Variants in PDGFC observed in about 807,000 individuals in gnomAD.
The protein encoded by PDGFC is platelet-derived growth factor C.
Under a neutral mutation model 35.5 loss-of-function variants are expected in PDGFC, and 12 were observed. The observed-to-expected ratio is 0.34, with a 90% CI of 0.22 to 0.55. The LOEUF (loss-of-function observed/expected upper bound fraction) is 0.55. Ranked by LOEUF, PDGFC falls within the 20% of genes least tolerant of loss-of-function variation. The pLI, the probability that PDGFC is intolerant of heterozygous loss-of-function variation, is 0.91. For synonymous variants in PDGFC, 159 were observed against 148.8 expected (o/e 1.07, Z -0.50); for missense variants, 322 against 412.4 (o/e 0.78, Z 1.90).
At chr4:156,880,967 A>G (rs900001539) in intron 1 of PDGFC, among the ~76,000 whole-genome samples, 4 of 152,212 alleles carry the variant, frequency 2.6e-5, no homozygotes, top group African/African-American at 9.6e-5. Flanking sequence ...GTATTACATA[A>G]AGTTAGTTGA....
At chr4:156,843,273 C>A (rs1036050329) in intron 2 of PDGFC, among the ~76,000 whole-genome samples, 2 of 152,178 alleles carry the variant, frequency 1.3e-5, no homozygotes, top group African/African-American at 2.4e-5. Flanking sequence ...GGTCCTCCAT[C>A]GCCAGATACA....
At chr4:156,923,855 T>C (rs1731345800) in intron 1 of PDGFC, among the ~76,000 whole-genome samples, 1 of 151,942 alleles carries the variant, frequency 6.6e-6, no homozygotes. Flanking sequence ...CAGCTCATAG[T>C]GCTGAAAAAG....
chr4:156,860,902 A>T (rs1351727758), intron 1 of PDGFC, among the ~76,000 whole-genome samples: 1 of 152,190 alleles, frequency 6.6e-6, no homozygotes, highest in Non-Finnish European at 1.5e-5. Context: ...TCAATTTTAA[A>T]AAGAACTGAT....
At chr4:156,851,905 T>C (rs912102199) in intron 1 of PDGFC, among the ~76,000 whole-genome samples, 1 of 110,518 alleles carries the variant, frequency 9.0e-6, no homozygotes, top group Non-Finnish European at 1.7e-5. Context: ...CACTCCAGCC[T>C]GGGCGACAGA....
chr4:156,844,673 T>G (rs555990428), intron 2 of PDGFC, among the ~76,000 whole-genome samples: 1 of 135,796 alleles, frequency 7.4e-6, no homozygotes, highest in African/African-American at 3.8e-5. Flanking sequence ...ATTACTTGAT[T>G]TGCTACATTA....
intron 1 of PDGFC, among the ~76,000 whole-genome samples, chr4:156,888,324 AG>A: frequency 6.6e-6 from 1 of 152,214 alleles, no homozygotes; most frequent in South Asian, 2.1e-4. Flanking sequence ...TGTCATTTAG[AG>A]TTACAATTAG....
At chr4:156,954,820 C>T (rs1033484587) in intron 1 of PDGFC, among the ~76,000 whole-genome samples, 1 of 151,930 alleles carries the variant, frequency 6.6e-6, no homozygotes, top group East Asian at 1.9e-4. Flanking sequence ...GCATATGACT[C>T]GTTTAGAACC....
chr4:156,932,751 T>TG (rs1553980879), intron 1 of PDGFC, among the ~76,000 whole-genome samples: 2 of 35,826 alleles, frequency 5.6e-5, no homozygotes, highest in Non-Finnish European at 1.0e-4. Context: ...TGTTGTGGGG[T>TG]GGGGGGAGGG....
At chr4:156,822,156 G>A (rs561814094) in intron 2 of PDGFC, among the ~76,000 whole-genome samples, 4 of 152,002 alleles carry the variant, frequency 2.6e-5, no homozygotes, top group South Asian at 4.2e-4. Context: ...TCAGGAGATC[G>A]AGACCATCCT....
At chr4:156,882,251 A>AT (rs1560855499) in intron 1 of PDGFC, among the ~76,000 whole-genome samples, 1 of 152,170 alleles carries the variant, frequency 6.6e-6, no homozygotes, top group Non-Finnish European at 1.5e-5. Context: ...CTAACTTTGA[A>AT]TTTTGTGTAG....
rs1387795503 is a variant in PDGFC at position 156,761,577 on chromosome 4, A to C, written c.*1513T>G. The stretch of plus-strand genomic sequence containing the variant: ...AAAATTTTATCTTTCATTTTCTCAG[A>C]GTCCAAGAAATAAATCTTGAGCACA... On this transcript the variant is annotated 3_prime_UTR_variant, in exon 6 of 6. Coordinates refer to ENST00000502773, the MANE Select transcript of PDGFC (RefSeq NM_016205.3). The C allele has an allele frequency of 6.6e-6, 1 of 152,514 alleles. No individual in the cohort carries two copies. Among genetic ancestry groups the C allele is most frequent in the Non-Finnish European group, 1.5e-5 (1 of 68,044 alleles). The allele number at this position is 152,514 out of a possible 1,614,324, so 9.4% of individuals were successfully genotyped here. A position where few individuals can be genotyped will look rare whatever the true frequency, so the allele number is the denominator to read the frequency against.
chr4:156,956,456 C>G (rs1732212464), intron 1 of PDGFC, among the ~76,000 whole-genome samples: 1 of 151,938 alleles, frequency 6.6e-6, no homozygotes, highest in South Asian at 2.1e-4. Flanking sequence ...GTTTATGAAG[C>G]ACCAATCCAA....
rs183822135 is a variant in PDGFC, at chr4:156,814,856, C to T, written c.315-3839G>A. ...AACTTTTGCCTTCTCTGATTTATGT[C>T]GATACAAAATCCACTGTCCTGTAAA... On this transcript the variant is annotated intron_variant, in intron 2 of 5. Coordinates refer to ENST00000502773, the MANE Select transcript of PDGFC (RefSeq NM_016205.3). Among the ~76,000 whole-genome samples, 6 of 152,104 alleles carry T rather than the reference C, an allele frequency of 3.9e-5. No homozygotes were observed. In the East Asian group the frequency reaches 9.7e-4, roughly 24 times the overall value.
intron 1 of PDGFC, among the ~76,000 whole-genome samples, chr4:156,912,570 G>C (rs1177650857): frequency 6.6e-6 from 1 of 151,866 alleles, no homozygotes; most frequent in Non-Finnish European, 1.5e-5. Flanking sequence ...GTATGTGGAG[G>C]GCAAAGCCAC....
chr4:156,767,654 C>CT (rs3836682), intron 5 of PDGFC, 119 bp downstream of exon 5: 33 of 652,604 alleles, frequency 5.1e-5, no homozygotes, highest in South Asian at 7.7e-5. Flanking sequence ...TTGTAGACCT[C>CT]TTTTTTTTCC....
intron 1 of PDGFC, among the ~76,000 whole-genome samples, chr4:156,887,591 A>G (rs1420400560): frequency 6.6e-6 from 1 of 152,216 alleles, no homozygotes; most frequent in Non-Finnish European, 1.5e-5. Flanking sequence ...TACCAGGAGA[A>G]GAATAATGTA....
At chr4:156,820,643 A>G (rs1732225723) in intron 2 of PDGFC, among the ~76,000 whole-genome samples, 1 of 152,180 alleles carries the variant, frequency 6.6e-6, no homozygotes, top group African/African-American at 2.4e-5. Flanking sequence ...CGCCTGTAAT[A>G]CTTTATGACT....
At chr4:156,813,741 TG>T (rs1196870951) in intron 2 of PDGFC, among the ~76,000 whole-genome samples, 1 of 152,178 alleles carries the variant, frequency 6.6e-6, no homozygotes, top group African/African-American at 2.4e-5. Flanking sequence ...GTTGAAAACA[TG>T]TAGGCACATT....
Position 156,879,642 on chromosome 4 carries a change from A to G in PDGFC, c.119-29226T>C, listed in dbSNP as rs1730195461. Reference sequence around the variant, plus strand: ...CATTTACTCCAAATTCCAGTGCCCTAAAACAGGATTTATGGACATTTTCTG... The same window carrying G: ...CATTTACTCCAAATTCCAGTGCCCTGAAACAGGATTTATGGACATTTTCTG... On this transcript the variant is annotated intron_variant, in intron 1 of 5. Coordinates refer to ENST00000502773, the MANE Select transcript of PDGFC (RefSeq NM_016205.3). Among the ~76,000 whole-genome samples the G allele has an allele frequency of 2.0e-5, 3 of 152,194 alleles. No individual in the cohort carries two copies. The South Asian group carries it at 6.2e-4, about 32-fold the overall frequency.
Sources: allele counts gnomAD v4.1 joint callset (sites outside exome capture counted in the v4.1 genomes callset), GRCh38; gene constraint gnomAD v4.1.1; transcripts MANE v1.5; gene names NCBI Gene and HGNC (gene_info 2026-07-23, HGNC 2026-07-21).